The following TMEM108 variants were observed in gnomAD, a reference collection of about 807,000 sequenced individuals.
TMEM108 encodes transmembrane protein 108, also known as cancer/testis antigen 124.
Under a neutral mutation model 35.1 loss-of-function variants are expected in TMEM108, and 12 were observed. The ratio of observed to expected loss-of-function variants is 0.34; its 90% CI spans 0.22 to 0.55. The LOEUF (loss-of-function observed/expected upper bound fraction) is 0.55. TMEM108 is among the 20% of genes least tolerant of loss of function. The pLI is 0.89. For synonymous variants in TMEM108, 287 were observed against 308.6 expected, an observed-to-expected ratio of 0.93 and a Z score of 0.73; for missense variants, 680 against 753.3, an observed-to-expected ratio of 0.90 and a Z score of 1.14.
At chr3:133,170,809 T>A (rs1156616538) in intron 2 of TMEM108, among the ~76,000 whole-genome samples, 1 of 152,170 alleles carries the variant, frequency 6.6e-6, no homozygotes, top group African/African-American at 2.4e-5. Context: ...TTCAAAAATA[T>A]AGGTATTGTT....
At chr3:133,195,794 A>G (rs1297477414) in intron 2 of TMEM108, among the ~76,000 whole-genome samples, 1 of 152,218 alleles carries the variant, frequency 6.6e-6, no homozygotes, top group African/African-American at 2.4e-5. Flanking sequence ...TAAAGTGGGA[A>G]AATGAGCTCA....
intron 3 of TMEM108, among the ~76,000 whole-genome samples, chr3:133,320,949 C>A (rs1019673135): frequency 1.3e-5 from 2 of 152,128 alleles, no homozygotes; most frequent in Admixed American, 6.5e-5. Flanking sequence ...GAGATAAAGT[C>A]TTTTTCAGAC....
At chr3:133,242,544 G>C (rs1464403407) in intron 3 of TMEM108, among the ~76,000 whole-genome samples, 1 of 152,218 alleles carries the variant, frequency 6.6e-6, no homozygotes. Flanking sequence ...TGTGGGGACT[G>C]AGTGCTATAG....
intron 3 of TMEM108, among the ~76,000 whole-genome samples, chr3:133,301,362 G>A (rs1014433093): frequency 8.5e-5 from 13 of 152,112 alleles, no homozygotes; most frequent in Admixed American, 8.5e-4. Flanking sequence ...TTGTCTCGAC[G>A]CAGGAAAGTG....
intron 3 of TMEM108, among the ~76,000 whole-genome samples, chr3:133,279,945 C>T (rs1371748009): frequency 6.6e-6 from 1 of 152,124 alleles, no homozygotes; most frequent in African/African-American, 2.4e-5. Flanking sequence ...ATTATGCCAA[C>T]TAGTCAAGTG....
chr3:133,178,750 C>G (rs906920386), intron 2 of TMEM108, among the ~76,000 whole-genome samples: 3 of 152,134 alleles, frequency 2.0e-5, no homozygotes, highest in Non-Finnish European at 4.4e-5. Context: ...TAGGCATGGG[C>G]AAGGACTTCA....
intron 2 of TMEM108, among the ~76,000 whole-genome samples, chr3:133,191,132 G>A (rs139699687): frequency 0.017 from 2,604 of 152,218 alleles, 95 homozygotes; most frequent in African/African-American, 0.059. Context: ...GAGTAGTACT[G>A]TTATGAATAG....
At position 133,346,050 on chromosome 3, in the gene TMEM108, T is replaced by TTGGTTGC. The variant is rs1181635631; in HGVS notation, c.41-33700_41-33694dup. On this transcript the variant is annotated intron_variant, in intron 3 of 5. Transcript: ENST00000321871. The surrounding 1 kb of genome is among the most constrained non-coding windows in gnomAD (Gnocchi z 4.0). ...GTTCGTTCACCTATTCAAAGACATC[T>TTGGTTGC]TGGTTGCTTCTAGTTGTTGACAATT... Among the ~76,000 whole-genome samples, 1 of 152,026 alleles carries TTGGTTGC rather than the reference T, an allele frequency of 6.6e-6. No homozygotes were observed. Among genetic ancestry groups the TTGGTTGC allele is most frequent in the Non-Finnish European group, 1.5e-5 (1 of 67,892 alleles).
intron 3 of TMEM108, among the ~76,000 whole-genome samples, chr3:133,304,097 C>T (rs996488739): frequency 6.6e-6 from 1 of 152,170 alleles, no homozygotes; most frequent in Non-Finnish European, 1.5e-5. Context: ...TGTTGGCTGT[C>T]ATGATGTTTA....
chr3:133,119,146 AG>A (rs767919782), intron 2 of TMEM108: 2 of 152,106 alleles, frequency 1.3e-5, no homozygotes, highest in Non-Finnish European at 2.9e-5. Flanking sequence ...CTAGGTTGTC[AG>A]GTGGATCCTT....
rs146483847 is a variant in TMEM108, at chr3:133,204,708, G to A, written c.-46-24558G>A. 3.9e-3 allele frequency among the ~76,000 whole-genome samples: 600 copies of A among 152,244 alleles called. 8 individuals are homozygous for A. The highest frequency in any genetic ancestry group is 0.013 in the African/African-American group (542 of 41,546). On this transcript the variant is annotated intron_variant, in intron 2 of 5. Coordinates refer to ENST00000321871, the MANE Select transcript of TMEM108 (RefSeq NM_023943.4). ...CATTCTTTTACATTTGCTGAGGAGT[G>A]TTTTACTTCCAGTTATGTGGTCAAT... is the stretch of plus-strand genomic sequence containing the variant.
chr3:133,306,273 T>G (rs1323248492), intron 3 of TMEM108, among the ~76,000 whole-genome samples: 1 of 152,188 alleles, frequency 6.6e-6, no homozygotes, highest in Non-Finnish European at 1.5e-5. Flanking sequence ...GTGTTAATTT[T>G]GGTATATAGT....
At chr3:133,069,171 G>A (rs956286453) in intron 2 of TMEM108, among the ~76,000 whole-genome samples, 2 of 152,298 alleles carry the variant, frequency 1.3e-5, no homozygotes, top group Admixed American at 6.5e-5. Context: ...GGATGGAGCC[G>A]ATGGCTCTGG....
chr3:133,146,528 C>T (rs914157598), intron 2 of TMEM108, among the ~76,000 whole-genome samples: 1 of 152,134 alleles, frequency 6.6e-6, no homozygotes, highest in Admixed American at 6.5e-5. Context: ...GAAATAGTTT[C>T]AGAAGGAACG....
At chr3:133,387,081 G>C (rs1559947983) in intron 4 of TMEM108, 2 of 985,514 alleles carry the variant, frequency 2.0e-6, no homozygotes, top group Non-Finnish European at 2.4e-6. Context: ...CTAACCCCTA[G>C]GTGGAGCTTT....
At chr3:133,245,225 C>T (rs1467567859) in intron 3 of TMEM108, among the ~76,000 whole-genome samples, 1 of 152,168 alleles carries the variant, frequency 6.6e-6, no homozygotes, top group Non-Finnish European at 1.5e-5. Context: ...GGATCCAAGC[C>T]TAGTTGATGT....
chr3:133,131,720 A>G (rs1944493248), intron 2 of TMEM108, among the ~76,000 whole-genome samples: 1 of 151,962 alleles, frequency 6.6e-6, no homozygotes, highest in Non-Finnish European at 1.5e-5. Context: ...TTGAAAGCCT[A>G]AAGGCCAAAA....
chr3:133,040,206 G>GTTTGT (rs1553726267), intron 1 of TMEM108, among the ~76,000 whole-genome samples: 2 of 129,944 alleles, frequency 1.5e-5, no homozygotes, highest in Admixed American at 7.7e-5. Context: ...TTGTTTGTTT[G>GTTTGT]TTTTTTTTTT....
chr3:133,130,784 G>T, intron 2 of TMEM108, among the ~76,000 whole-genome samples: 1 of 152,174 alleles, frequency 6.6e-6, no homozygotes, highest in Non-Finnish European at 1.5e-5. Flanking sequence ...CAGGTAATGT[G>T]CTGGTGCCCA....
Sources: gnomAD v4.1 joint callset for allele counts (sites outside exome capture counted in the v4.1 genomes callset) on GRCh38, gnomAD v4.1.1 for gene constraint, Gnocchi (gnomAD v3.1) non-coding constraint, MANE v1.5 for transcripts, NCBI Gene and HGNC (gene_info 2026-07-23, HGNC 2026-07-21) for gene names.